RAP1GAP2: variants seen among roughly 807,000 people sequenced by gnomAD.
The protein encoded by RAP1GAP2 is RAP1 GTPase activating protein 2, also known as rap1 GTPase-activating protein 2.
A neutral mutation model predicts 95.0 loss-of-function variants in RAP1GAP2; 27 were observed. The ratio of observed to expected loss-of-function variants is 0.28; its 90% confidence interval spans 0.21 to 0.39. RAP1GAP2 has a LOEUF of 0.39. Among genes scored for constraint, RAP1GAP2 ranks in the 10% least tolerant of loss-of-function variants. The probability of loss-of-function intolerance (pLI) is 1.00; values close to 1 mark genes in which losing one functional copy is unlikely to be tolerated. For synonymous variants in RAP1GAP2, 373 were observed against 380.9 expected, an observed-to-expected ratio of 0.98 and a Z score of 0.24; for missense variants, 771 against 970.0, an observed-to-expected ratio of 0.79 and a Z score of 2.72.
intron 8 of RAP1GAP2, among the ~76,000 whole-genome samples, chr17:2,976,417 A>G (rs1326145194): frequency 6.6e-6 from 1 of 152,200 alleles, no homozygotes; most frequent in Non-Finnish European, 1.5e-5. Context: ...AGGGGAAAAA[A>G]TCTCATATTT....
rs780107806 is a variant in RAP1GAP2 at position 2,980,374 on chromosome 17, C to G, written c.675+9C>G. ...TCCCTCAGATTGCAAAGGTGAGAAA[C>G]CAACCCGTGAGAGATGGTGGCTTCC... On this transcript the variant is annotated intron_variant, in intron 9 of 24. Coordinates refer to ENST00000254695, the MANE Select transcript of RAP1GAP2 (RefSeq NM_015085.5). 4 of 1,613,494 alleles carry G rather than the reference C, an allele frequency of 2.5e-6. No individual in the cohort carries two copies. Among genetic ancestry groups the G allele is most frequent in the Non-Finnish European group, 3.4e-6 (4 of 1,179,518 alleles).
chr17:2,820,466 C>G (rs1037342466), intron 2 of RAP1GAP2, among the ~76,000 whole-genome samples: 1 of 151,916 alleles, frequency 6.6e-6, no homozygotes, highest in Non-Finnish European at 1.5e-5. Flanking sequence ...ACTAAAAACA[C>G]AAAAATTAGC....
intron 3 of RAP1GAP2, among the ~76,000 whole-genome samples, chr17:2,953,992 C>G (rs12936533): frequency 0.56 from 84,991 of 152,078 alleles, 25,812 homozygotes; most frequent in Admixed American, 0.69. Context: ...ACCTTCCAAT[C>G]CCCCATCCCC....
intron 17 of RAP1GAP2, among the ~76,000 whole-genome samples, chr17:3,014,563 T>C (rs922848579): frequency 1.3e-5 from 2 of 149,994 alleles, no homozygotes; most frequent in African/African-American, 2.5e-5. Flanking sequence ...TTTTTTTTTT[T>C]TTTTTTGAGA....
In RAP1GAP2 at chr17:2,825,717, G is replaced by T. The variant is rs571858841; in HGVS notation, c.80+25167G>T. Among the ~76,000 whole-genome samples the T allele has an allele frequency of 7.9e-5, 12 of 152,272 alleles. 1 individual carries two copies. In the South Asian group the frequency reaches 2.5e-3, roughly 32 times the overall value. ...TAGCATGGTGCTTGGCGCAGAGTTA[G>T]TGCTCGTGACTGCAGCTGTTACTGA... On this transcript the variant is annotated intron_variant, in intron 2 of 24. Coordinates refer to ENST00000254695, the MANE Select transcript of RAP1GAP2 (RefSeq NM_015085.5). This position sits in a 1 kb window ranked among gnomAD's most constrained non-coding sequence, Gnocchi z 4.1.
At chr17:2,949,999 C>T (rs1442612139) in intron 3 of RAP1GAP2, among the ~76,000 whole-genome samples, 1 of 152,158 alleles carries the variant, frequency 6.6e-6, no homozygotes, top group African/African-American at 2.4e-5. Flanking sequence ...CCAACTGTGC[C>T]AGCCCCAGGC....
At chr17:2,835,612 C>G (rs1050633479) in intron 2 of RAP1GAP2, among the ~76,000 whole-genome samples, 3 of 152,188 alleles carry the variant, frequency 2.0e-5, no homozygotes, top group Non-Finnish European at 4.4e-5. Flanking sequence ...GTACTTCCAG[C>G]TATTCAGGAG....
chr17:2,765,788 G>A (rs1284527803), intron 1 of RAP1GAP2, among the ~76,000 whole-genome samples: 1 of 150,970 alleles, frequency 6.6e-6, no homozygotes, highest in Non-Finnish European at 1.5e-5. Context: ...CCAATATGGT[G>A]AAACCCCCTC....
At chr17:2,840,315 C>G (rs2071317858) in intron 2 of RAP1GAP2, among the ~76,000 whole-genome samples, 1 of 151,870 alleles carries the variant, frequency 6.6e-6, no homozygotes, top group African/African-American at 2.4e-5. Flanking sequence ...AGGCGCCCAC[C>G]ACAACACCCA....
At chr17:2,875,287 G>T (rs566208008) in intron 2 of RAP1GAP2, among the ~76,000 whole-genome samples, 2 of 152,084 alleles carry the variant, frequency 1.3e-5, no homozygotes, top group African/African-American at 2.4e-5. Context: ...GGCTGGTCTC[G>T]AACTCCTGAC....
At chr17:2,924,704 A>G (rs1280738059) in intron 3 of RAP1GAP2, among the ~76,000 whole-genome samples, 1 of 152,090 alleles carries the variant, frequency 6.6e-6, no homozygotes, top group African/African-American at 2.4e-5. Context: ...TTTGTCCTCA[A>G]ATATGTTTTG....
rs753386734 is a variant in RAP1GAP2, at chr17:3,037,364, A to ACCCCCCCCCCCCC, written c.*4004_*4016dup. 1 of 29,686 alleles carries ACCCCCCCCCCCCC rather than the reference A, an allele frequency of 3.4e-5. No individual in the cohort carries two copies. The highest frequency in any genetic ancestry group is 9.8e-5 in the Non-Finnish European group (1 of 10,174). The allele number at this position is 29,686 out of a possible 1,614,324, so 1.8% of individuals were successfully genotyped here. A position where few individuals can be genotyped will look rare whatever the true frequency, so the allele number is the denominator to read the frequency against. ...ACATTTCTGCTTGGAAGTGTGAACT[A>ACCCCCCCCCCCCC]CCCCCCCCCCCCCGCTTCCTGCTCC... is the stretch of plus-strand genomic sequence containing the variant. On this transcript the variant is annotated 3_prime_UTR_variant, in exon 25 of 25. Transcript: ENST00000254695.
At chr17:2,977,237 T>C (rs2045161862) in intron 8 of RAP1GAP2, among the ~76,000 whole-genome samples, 1 of 152,110 alleles carries the variant, frequency 6.6e-6, no homozygotes, top group Admixed American at 6.6e-5. Context: ...CAAAAACAAC[T>C]TTGTATCAAT....
At chr17:2,913,254 T>G (rs922334533) in intron 3 of RAP1GAP2, among the ~76,000 whole-genome samples, 4 of 152,054 alleles carry the variant, frequency 2.6e-5, no homozygotes, top group African/African-American at 9.7e-5. Context: ...TCCTCACCTG[T>G]GCACACCTGA....
intron 2 of RAP1GAP2, among the ~76,000 whole-genome samples, chr17:2,899,560 G>T (rs1391487270): frequency 6.6e-6 from 1 of 151,878 alleles, no homozygotes; most frequent in African/African-American, 2.4e-5. Flanking sequence ...ACCCGGGCTG[G>T]AGTGCAGTGG....
intron 2 of RAP1GAP2, among the ~76,000 whole-genome samples, chr17:2,811,247 C>G (rs995373681): frequency 5.9e-5 from 9 of 152,176 alleles, no homozygotes; most frequent in African/African-American, 2.2e-4. Context: ...CCTGCAGGAG[C>G]CCCATGGACA....
chr17:2,797,345 G>A lies in RAP1GAP2; in HGVS notation c.44+774G>A, dbSNP rs2069122436. ...CTTCCCGGCGGGGGGCAGAAGGTAG[G>A]CACACGAAGGCCAAAGGCTTGTCTC... On this transcript the variant is annotated intron_variant, in intron 1 of 24. Coordinates refer to ENST00000254695, the MANE Select transcript of RAP1GAP2 (RefSeq NM_015085.5). The surrounding 1 kb of genome is among the most constrained non-coding windows in gnomAD (Gnocchi z 5.6). Among the ~76,000 whole-genome samples, 1 of 152,216 alleles carries A rather than the reference G, an allele frequency of 6.6e-6. No homozygotes were observed. The highest frequency in any genetic ancestry group is 6.5e-5 in the Admixed American group (1 of 15,284).
Position 2,832,944 on chromosome 17 carries a change from C to T in RAP1GAP2, c.80+32394C>T, listed in dbSNP as rs116458279. On this transcript the variant is annotated intron_variant, in intron 2 of 24. Coordinates refer to ENST00000254695, the MANE Select transcript of RAP1GAP2 (RefSeq NM_015085.5). The stretch of plus-strand genomic sequence containing the variant: ...CAATGAGCGAGATCGCACCACTGCA[C>T]TCCAGCCCGGGTCACAGAGCAAGAC... Among the ~76,000 whole-genome samples the T allele has an allele frequency of 5.1e-3, 780 of 152,030 alleles. 8 individuals are homozygous for T. Among genetic ancestry groups the T allele is most frequent in the African/African-American group, 0.018 (734 of 41,482 alleles).
intron 16 of RAP1GAP2, 37 bp from the exon 17 acceptor site, chr17:3,007,972 CAG>C: frequency 1.2e-6 from 2 of 1,606,776 alleles, no homozygotes; most frequent in Non-Finnish European, 1.7e-6. Flanking sequence ...TCTCTGCTCT[CAG>C]AGCCAGCTTC....
Sources: allele counts gnomAD v4.1 joint callset (sites outside exome capture counted in the v4.1 genomes callset), GRCh38; gene constraint gnomAD v4.1.1; non-coding constraint Gnocchi (gnomAD v3.1); transcripts MANE v1.5; gene names NCBI Gene and HGNC (gene_info 2026-07-23, HGNC 2026-07-21).